The following RAB27B variants were observed in gnomAD, a reference collection of about 807,000 sequenced individuals.
RAB27B encodes the protein RAB27B, member RAS oncogene family, also known as ras-related protein Rab-27B.
In RAB27B, 15 loss-of-function variants were observed where a neutral mutation model predicts 24.6. The observed-to-expected ratio is 0.61, with a 90% CI of 0.41 to 0.94. The LOEUF is 0.94. Ranked by LOEUF, RAB27B falls within the 40% of genes least tolerant of loss-of-function variation. The pLI is 0.00. For synonymous variants in RAB27B, 105 were observed against 92.5 expected (o/e 1.14, Z -0.78); for missense variants, 261 against 266.8 (o/e 0.98, Z 0.15).
chr18:54,830,063 T>C (rs1598937366), intron 1 of RAB27B, among the ~76,000 whole-genome samples: 2 of 152,196 alleles, frequency 1.3e-5, no homozygotes, highest in African/African-American at 2.4e-5. Flanking sequence ...CCTGTTCTCA[T>C]AGTTGCCAAG....
chr18:54,732,662 TATA>T (rs1909763943), intron 2 of RAB27B, among the ~76,000 whole-genome samples: 1 of 152,216 alleles, frequency 6.6e-6, no homozygotes, highest in Non-Finnish European at 1.5e-5. Flanking sequence ...ATCAGTAAGA[TATA>T]ATGACTAGTT....
At chr18:54,841,494 G>A (rs769289997) in intron 1 of RAB27B, among the ~76,000 whole-genome samples, 19 of 152,206 alleles carry the variant, frequency 1.2e-4, no homozygotes, top group South Asian at 2.1e-4. Flanking sequence ...ACCAATCCCC[G>A]ATGAACACTG....
chr18:54,825,783 T>C (rs542321469), upstream of RAB27B, among the ~76,000 whole-genome samples: 21 of 152,248 alleles, frequency 1.4e-4, 1 homozygote, highest in Admixed American at 5.2e-4. Context: ...TGTGTGACAG[T>C]GGGGAAGGGA....
At chr18:54,751,065 G>T (rs1232699208) in intron 2 of RAB27B, among the ~76,000 whole-genome samples, 1 of 152,178 alleles carries the variant, frequency 6.6e-6, no homozygotes, top group Non-Finnish European at 1.5e-5. Flanking sequence ...ACTTTATCCT[G>T]CCCTCGAGAG....
chr18:54,798,473 C>G (rs1909493517), intron 2 of RAB27B, among the ~76,000 whole-genome samples: 2 of 152,350 alleles, frequency 1.3e-5, no homozygotes, highest in South Asian at 4.1e-4. Context: ...GGTGCCCAGG[C>G]TTTCTCTGTC....
At chr18:54,858,207 T>C (rs1388730495) in intron 1 of RAB27B, among the ~76,000 whole-genome samples, 1 of 152,238 alleles carries the variant, frequency 6.6e-6, no homozygotes, top group African/African-American at 2.4e-5. Flanking sequence ...AATGATATAT[T>C]CAATTTAATG....
At chr18:54,766,824 G>A (rs1568058087) in intron 2 of RAB27B, among the ~76,000 whole-genome samples, 3 of 152,186 alleles carry the variant, frequency 2.0e-5, no homozygotes, top group Non-Finnish European at 4.4e-5. Flanking sequence ...ATTCTGAAGT[G>A]AGGAAACAAT....
intron 2 of RAB27B, among the ~76,000 whole-genome samples, chr18:54,770,122 C>T (rs551240450): frequency 2.2e-4 from 33 of 152,180 alleles, no homozygotes; most frequent in African/African-American, 7.7e-4. Flanking sequence ...TGGAATTACA[C>T]GTGTGAGCCA....
intron 2 of RAB27B, among the ~76,000 whole-genome samples, chr18:54,754,203 T>G (rs1168103434): frequency 6.6e-6 from 1 of 152,110 alleles, no homozygotes; most frequent in Non-Finnish European, 1.5e-5. Flanking sequence ...TCTCATGAGA[T>G]CTGGTGGTTT....
chr18:54,856,080 C>G (rs2145227778), intron 1 of RAB27B, among the ~76,000 whole-genome samples: 2 of 152,342 alleles, frequency 1.3e-5, no homozygotes, highest in South Asian at 4.1e-4. Flanking sequence ...AACAAGAAGA[C>G]AGACGTCAGC....
chr18:54,867,096 G>C lies in RAB27B; in HGVS notation c.-19-10471G>C, dbSNP rs572450368. ...CTGAACAGTCTCTTTAAAGGAAAGA[G>C]CAGGAAGTGGGGAGCCCACTTTCTT... On this transcript the variant is annotated intron_variant, in intron 1 of 5. Transcript: ENST00000262094. Among the ~76,000 whole-genome samples the C allele has an allele frequency of 2.0e-5, 3 of 152,294 alleles. No homozygotes were observed. In the East Asian group the frequency reaches 5.8e-4, roughly 29 times the overall value.
chr18:54,841,667 GA>G (rs1278308973), intron 1 of RAB27B, among the ~76,000 whole-genome samples: 1 of 152,188 alleles, frequency 6.6e-6, no homozygotes, highest in Non-Finnish European at 1.5e-5. Context: ...ACCAGGATAA[GA>G]GGTGGGCTTA....
chr18:54,886,434 A>C (rs1478299455), intron 4 of RAB27B, among the ~76,000 whole-genome samples: 1 of 152,128 alleles, frequency 6.6e-6, no homozygotes, highest in African/African-American at 2.4e-5. Flanking sequence ...CAAAATTGAT[A>C]ATGTATTTTG....
intron 2 of RAB27B, among the ~76,000 whole-genome samples, chr18:54,758,864 T>C (rs1384586752): frequency 6.6e-6 from 1 of 152,024 alleles, no homozygotes; most frequent in African/African-American, 2.4e-5. Context: ...CTAATTAGCT[T>C]TGAGTCATTT....
At chr18:54,734,896 A>G (rs1440277803) in intron 2 of RAB27B, among the ~76,000 whole-genome samples, 3 of 152,200 alleles carry the variant, frequency 2.0e-5, no homozygotes, top group Non-Finnish European at 4.4e-5. Context: ...AAGCTGAAAT[A>G]TAATTTTGAA....
intron 3 of RAB27B, among the ~76,000 whole-genome samples, chr18:54,881,790 A>G (rs1322175377): frequency 1.3e-5 from 2 of 152,180 alleles, no homozygotes; most frequent in Non-Finnish European, 2.9e-5. Flanking sequence ...CTCTGGAACA[A>G]GCGTGTCCTA....
chr18:54,752,440 T>G (rs1907864076), intron 2 of RAB27B, among the ~76,000 whole-genome samples: 2 of 152,282 alleles, frequency 1.3e-5, no homozygotes, highest in Admixed American at 6.5e-5. Context: ...CAAACAAGAT[T>G]GAGAATCATT....
At chr18:54,748,076 C>T (rs947655325) in intron 2 of RAB27B, among the ~76,000 whole-genome samples, 2 of 152,060 alleles carry the variant, frequency 1.3e-5, no homozygotes, top group African/African-American at 2.4e-5. Flanking sequence ...CACTGCACTC[C>T]AGCCTGAGCA....
At chr18:54,771,595 T>C (rs1908552957) in intron 2 of RAB27B, among the ~76,000 whole-genome samples, 3 of 15,518 alleles carry the variant, frequency 1.9e-4, no homozygotes, top group African/African-American at 7.0e-4. Context: ...TAGTTTAGTG[T>C]GTGTGTGTGT....
Sources: allele counts gnomAD v4.1 joint callset (sites outside exome capture counted in the v4.1 genomes callset), GRCh38; gene constraint gnomAD v4.1.1; transcripts MANE v1.5; gene names NCBI Gene and HGNC (gene_info 2026-07-23, HGNC 2026-07-21).